The following KIAA1549L variants were observed in gnomAD, a reference collection of about 807,000 sequenced individuals.
The protein encoded by KIAA1549L is UPF0606 protein KIAA1549L.
A neutral mutation model predicts 160.7 loss-of-function variants in KIAA1549L; 88 were observed. The observed-to-expected ratio is 0.55, with a 90% CI of 0.46 to 0.65. KIAA1549L has a LOEUF of 0.65. Among genes scored for constraint, KIAA1549L ranks in the 30% least tolerant of loss-of-function variants. The pLI, the probability that KIAA1549L is intolerant of heterozygous loss-of-function variation, is 0.00. For missense variants in KIAA1549L, 2,258 were observed against 2,437.5 expected, an observed-to-expected ratio of 0.93 and a Z score of 1.55; for synonymous variants, 950 against 976.7, an observed-to-expected ratio of 0.97 and a Z score of 0.51.
At chr11:33,548,097 A>G (rs1288099454) in intron 4 of KIAA1549L, among the ~76,000 whole-genome samples, 3 of 152,170 alleles carry the variant, frequency 2.0e-5, no homozygotes, top group Non-Finnish European at 4.4e-5. Context: ...GTCTAGATTT[A>G]TTTTTAAAGA....
intron 18 of KIAA1549L, among the ~76,000 whole-genome samples, chr11:33,657,627 T>A (rs1852111315): frequency 6.6e-6 from 1 of 151,958 alleles, no homozygotes; most frequent in South Asian, 2.1e-4. Flanking sequence ...TGAAACCCCG[T>A]CTACACTAAA....
intron 18 of KIAA1549L, among the ~76,000 whole-genome samples, chr11:33,657,092 A>G (rs913673033): frequency 9.9e-5 from 15 of 152,252 alleles, no homozygotes; most frequent in African/African-American, 2.9e-4. Context: ...TTTTCTGAAC[A>G]AGTAGCAGAT....
intron 1 of KIAA1549L, among the ~76,000 whole-genome samples, chr11:33,524,168 T>C (rs1853559618): frequency 6.6e-6 from 1 of 152,176 alleles, no homozygotes; most frequent in African/African-American, 2.4e-5. Context: ...CTGTTTAGGT[T>C]TTTCATTTCT....
At chr11:33,607,010 G>A (rs1234076749) in intron 14 of KIAA1549L, among the ~76,000 whole-genome samples, 188 bp downstream of exon 14, 3 of 152,176 alleles carry the variant, frequency 2.0e-5, no homozygotes, top group African/African-American at 4.8e-5. Flanking sequence ...AATTTGTTGG[G>A]TGATGTTTTC....
chr11:33,627,856 T>C (rs576816074), intron 16 of KIAA1549L, among the ~76,000 whole-genome samples: 1 of 151,404 alleles, frequency 6.6e-6, no homozygotes, highest in African/African-American at 2.4e-5. Context: ...CTTGCTTTTC[T>C]AGTTCTTTTA....
At chr11:33,493,696 C>T (rs1174155435) in intron 1 of KIAA1549L, among the ~76,000 whole-genome samples, 30 of 152,220 alleles carry the variant, frequency 2.0e-4, no homozygotes, top group Admixed American at 2.0e-3. Context: ...CCTAAGAGCA[C>T]GTCATTCTCC....
At chr11:33,464,890 G>T (rs1425080627) in intron 1 of KIAA1549L, among the ~76,000 whole-genome samples, 1 of 151,632 alleles carries the variant, frequency 6.6e-6, no homozygotes, top group African/African-American at 2.4e-5. Flanking sequence ...CATCTTCTCC[G>T]AACCCCAAGT....
intron 1 of KIAA1549L, among the ~76,000 whole-genome samples, chr11:33,486,365 G>A (rs1590280649): frequency 6.6e-6 from 1 of 152,118 alleles, no homozygotes; most frequent in East Asian, 1.9e-4. Context: ...GAGAATCTGT[G>A]TCTTTTAAGA....
intron 1 of KIAA1549L, among the ~76,000 whole-genome samples, chr11:33,504,287 T>G (rs1485470123): frequency 3.3e-5 from 5 of 152,120 alleles, no homozygotes; most frequent in Non-Finnish European, 7.4e-5. Flanking sequence ...AATCATGTAG[T>G]TTTTCTTCTG....
intron 1 of KIAA1549L, among the ~76,000 whole-genome samples, chr11:33,470,441 T>C (rs116346266): frequency 6.6e-6 from 1 of 152,236 alleles, no homozygotes; most frequent in African/African-American, 2.4e-5. Flanking sequence ...AGTGTTTGTT[T>C]GTTTGGTTTT....
At chr11:33,596,483 T>A (rs1850203305) in intron 12 of KIAA1549L, among the ~76,000 whole-genome samples, 1 of 152,166 alleles carries the variant, frequency 6.6e-6, no homozygotes. Flanking sequence ...ATGCCTGTAA[T>A]CCCAGCATTT....
At chr11:33,397,430 G>T (rs1850400838) in intron 1 of KIAA1549L, among the ~76,000 whole-genome samples, 2 of 151,012 alleles carry the variant, frequency 1.3e-5, no homozygotes, top group Admixed American at 6.6e-5. Flanking sequence ...AACATTTTAG[G>T]CTGGGCGCGG....
At position 33,528,914 on chromosome 11, in the gene KIAA1549L, A is replaced by G. The variant is rs576336334; in HGVS notation, c.239-12888A>G. Among the ~76,000 whole-genome samples, 33 of 152,350 alleles carry G rather than the reference A, an allele frequency of 2.2e-4. 1 individual carries two copies. In the East Asian group the frequency reaches 6.0e-3, roughly 28 times the overall value. On this transcript the variant is annotated intron_variant, in intron 1 of 20. Coordinates refer to ENST00000658780, the MANE Select transcript of KIAA1549L (RefSeq NM_012194.3). ...TGATGGGTAAATCTCAGAAATCACC[A>G]CTAAAGAACTTTTCCATACAACCAA...
At chr11:33,483,500 C>G (rs1455411565) in intron 1 of KIAA1549L, among the ~76,000 whole-genome samples, 1 of 152,148 alleles carries the variant, frequency 6.6e-6, no homozygotes, top group Non-Finnish European at 1.5e-5. Context: ...ATCTGACCCA[C>G]TTGGCATACC....
intron 1 of KIAA1549L, among the ~76,000 whole-genome samples, chr11:33,431,851 G>C (rs544786835): frequency 2.4e-4 from 36 of 152,370 alleles, no homozygotes; most frequent in Admixed American, 2.2e-3. Flanking sequence ...GCCGGGGAAG[G>C]CTCAGCCATG....
chr11:33,439,140 G>T (rs1851441100), intron 1 of KIAA1549L, among the ~76,000 whole-genome samples: 1 of 152,102 alleles, frequency 6.6e-6, no homozygotes, highest in African/African-American at 2.4e-5. Flanking sequence ...TGTTGGTCAG[G>T]CCCTCAGGTG....
At chr11:33,415,291 T>G (rs1315471098) in intron 1 of KIAA1549L, among the ~76,000 whole-genome samples, 1 of 152,186 alleles carries the variant, frequency 6.6e-6, no homozygotes, top group Non-Finnish European at 1.5e-5. Flanking sequence ...TTGCATAAGG[T>G]GCAACTGAGT....
Position 33,488,417 on chromosome 11 carries a change from G to GACTTAGACAAAA in KIAA1549L, c.239-53385_239-53384insACTTAGACAAAA, listed in dbSNP as rs1852579141. 3.3e-5 allele frequency among the ~76,000 whole-genome samples: 5 copies of GACTTAGACAAAA among 152,284 alleles called. No homozygotes were observed. In the South Asian group the frequency reaches 1.0e-3, roughly 32 times the overall value. On this transcript the variant is annotated intron_variant, in intron 1 of 20. Coordinates refer to ENST00000658780, the MANE Select transcript of KIAA1549L (RefSeq NM_012194.3). Reference sequence around the variant, plus strand: ...AAAATATTGTACATTTTAATGGGAAGGGAGGCCAAAATGAGCAAAACAGAA... The same window carrying GACTTAGACAAAA: ...AAAATATTGTACATTTTAATGGGAAGACTTAGACAAAAGGAGGCCAAAATGAGCAAAACAGAA...
At chr11:33,422,349 T>A (rs1235389313) in intron 1 of KIAA1549L, among the ~76,000 whole-genome samples, 3 of 152,102 alleles carry the variant, frequency 2.0e-5, no homozygotes, top group Admixed American at 2.0e-4. Flanking sequence ...GGGCATGTCT[T>A]GTACTTTCTT....
Sources: allele counts gnomAD v4.1 joint callset (sites outside exome capture counted in the v4.1 genomes callset), GRCh38; gene constraint gnomAD v4.1.1; transcripts MANE v1.5; gene names NCBI Gene and HGNC (gene_info 2026-07-23, HGNC 2026-07-21).